Variants in CDH22 observed in about 807,000 individuals in gnomAD.
The protein encoded by CDH22 is cadherin-22.
Under a neutral mutation model 58.4 loss-of-function variants are expected in CDH22, and 30 were observed. The observed-to-expected ratio is 0.51, with a 90% CI of 0.38 to 0.70. The LOEUF (loss-of-function observed/expected upper bound fraction) is 0.70, where lower values mean the gene tolerates loss of function less well. CDH22 is among the 30% of genes least tolerant of loss of function. The pLI is 0.00. For missense variants in CDH22, 1,014 were observed against 1,233.9 expected (o/e 0.82, Z 2.67); for synonymous variants, 513 against 558.2 (o/e 0.92, Z 1.14).
chr20:46,214,605 C>T (rs886073615), intron 5 of CDH22, among the ~76,000 whole-genome samples: 6 of 152,180 alleles, frequency 3.9e-5, no homozygotes, highest in African/African-American at 1.2e-4. Context: ...TAGCTTCAGC[C>T]TTGCTGAAGT....
intron 1 of CDH22, among the ~76,000 whole-genome samples, chr20:46,272,447 TAATGCTGAGGA>T (rs2086496087): frequency 2.0e-5 from 3 of 152,286 alleles, no homozygotes; most frequent in Admixed American, 1.3e-4. Flanking sequence ...AGATGATATT[TAATGCTGAGGA>T]AATGAATGAG....
chr20:46,267,767 T>G (rs2086468042), intron 1 of CDH22, among the ~76,000 whole-genome samples: 1 of 152,254 alleles, frequency 6.6e-6, no homozygotes, highest in Admixed American at 6.5e-5. Flanking sequence ...CCTACTCCAA[T>G]GCTACTTATA....
At chr20:46,282,809 C>T (rs1006757509) in intron 1 of CDH22, among the ~76,000 whole-genome samples, 5 of 152,098 alleles carry the variant, frequency 3.3e-5, no homozygotes, top group South Asian at 2.1e-4. Flanking sequence ...CAGGCCTGGA[C>T]GCTGGAACCC....
At chr20:46,270,544 T>C (rs1019493536) in intron 1 of CDH22, among the ~76,000 whole-genome samples, 2 of 152,236 alleles carry the variant, frequency 1.3e-5, no homozygotes, top group Non-Finnish European at 2.9e-5. Context: ...TGTTCAAGCC[T>C]GAATCCTCTT....
At chr20:46,197,343 G>A (rs1228242027) in intron 8 of CDH22, among the ~76,000 whole-genome samples, 2 of 149,712 alleles carry the variant, frequency 1.3e-5, no homozygotes, top group Non-Finnish European at 3.0e-5. Flanking sequence ...ATTGTAAAAT[G>A]TTTGTGGAGG....
rs145987369 is a variant in CDH22 at position 46,269,419 on chromosome 20, C to A, written c.-399-17726G>T. Among the ~76,000 whole-genome samples the A allele has an allele frequency of 3.2e-4, 49 of 152,356 alleles. No homozygotes were observed. In the East Asian group the frequency reaches 9.4e-3, roughly 29 times the overall value. Reference sequence around the variant, plus strand: ...TCCGCCAATAAAATAATAAATAGTACTGAGCATAGCTAACTTTTGTCAAGT... The same window carrying A: ...TCCGCCAATAAAATAATAAATAGTAATGAGCATAGCTAACTTTTGTCAAGT... On this transcript the variant is annotated intron_variant, in intron 1 of 11. Transcript: ENST00000537909.
At chr20:46,207,495 A>G (rs567695645) in intron 7 of CDH22, among the ~76,000 whole-genome samples, 1 of 152,328 alleles carries the variant, frequency 6.6e-6, no homozygotes, top group East Asian at 1.9e-4. Context: ...GTCTGGGCCC[A>G]GGCCAGAGGC....
At chr20:46,266,196 C>G (rs566159478) in intron 1 of CDH22, among the ~76,000 whole-genome samples, 1 of 152,194 alleles carries the variant, frequency 6.6e-6, no homozygotes, top group Non-Finnish European at 1.5e-5. Flanking sequence ...CATCCTGTCT[C>G]TACTGTAGCA....
At chr20:46,287,228 G>A (rs1048105488) in intron 1 of CDH22, among the ~76,000 whole-genome samples, 3 of 152,248 alleles carry the variant, frequency 2.0e-5, no homozygotes, top group African/African-American at 4.8e-5. Flanking sequence ...TACCTCACAC[G>A]GTGGTGTCAG....
intron 1 of CDH22, among the ~76,000 whole-genome samples, chr20:46,294,458 G>A (rs1339472934): frequency 2.6e-5 from 4 of 152,216 alleles, no homozygotes; most frequent in Non-Finnish European, 4.4e-5. Context: ...GTAGGAGGGT[G>A]CGGAAAGAGG....
At chr20:46,293,341 G>C (rs2145778770) in intron 1 of CDH22, among the ~76,000 whole-genome samples, 1 of 152,316 alleles carries the variant, frequency 6.6e-6, no homozygotes, top group East Asian at 1.9e-4. Context: ...GTGCTGACCT[G>C]CATCTCCGTG....
chr20:46,232,844 A>T (rs986243765), intron 3 of CDH22, among the ~76,000 whole-genome samples: 4 of 152,190 alleles, frequency 2.6e-5, no homozygotes, highest in African/African-American at 9.7e-5. Context: ...CTAGCCTCCC[A>T]GCCAGGGCAG....
At position 46,174,777 on chromosome 20, in the gene CDH22, C is replaced by A. The variant is rs1037698951; in HGVS notation, c.2216G>T (p.Ser739Ile). The change falls in exon 12 of 12, where the codon AGC becomes ATC. Residue 739 changes from serine to isoleucine, a missense_variant. By Grantham distance (142) the Ser-to-Ile change is moderately radical. Coordinates refer to ENST00000537909, the MANE Select transcript of CDH22 (RefSeq NM_021248.3). The surrounding 1 kb of genome is among the most constrained non-coding windows in gnomAD (Gnocchi z 4.4). The stretch of plus-strand genomic sequence containing the variant: ...GAACACTGAGAAGTCTGGCTCGGGG[C>A]TCGGCGGCCCCTGCGGCAGCGAGTG... ...ERHSLPQGPP[S>I]PEPDFSVFRD... is the part of the protein sequence containing the mutation. The A allele has an allele frequency of 9.2e-6, 14 of 1,517,608 alleles. No individual in the cohort carries two copies. The African/African-American group carries it at 1.4e-4, about 15-fold the overall frequency. The allele number at this position is 1,517,608 out of a possible 1,614,324, so 94.0% of individuals were successfully genotyped here.
intron 6 of CDH22, among the ~76,000 whole-genome samples, chr20:46,211,134 C>T (rs935971642): frequency 2.6e-5 from 4 of 152,170 alleles, no homozygotes; most frequent in Non-Finnish European, 5.9e-5. Context: ...CTGGCTAAAT[C>T]CATGCTGAGC....
At chr20:46,259,260 A>T (rs2086420557) in intron 1 of CDH22, among the ~76,000 whole-genome samples, 1 of 152,248 alleles carries the variant, frequency 6.6e-6, no homozygotes, top group Non-Finnish European at 1.5e-5. Flanking sequence ...AGTGCACCTC[A>T]CATGTACCAT....
intron 1 of CDH22, among the ~76,000 whole-genome samples, chr20:46,279,312 G>A (rs1428687272): frequency 1.3e-5 from 2 of 152,196 alleles, no homozygotes; most frequent in African/African-American, 4.8e-5. Flanking sequence ...ATCAGCATGT[G>A]TAGCAGGAGG....
At chr20:46,267,004 T>C (rs2086464089) in intron 1 of CDH22, among the ~76,000 whole-genome samples, 1 of 152,066 alleles carries the variant, frequency 6.6e-6, no homozygotes. Context: ...GAAGAGGCTG[T>C]ACTTTTTGAC....
intron 1 of CDH22, among the ~76,000 whole-genome samples, chr20:46,303,868 T>G (rs1202338966): frequency 6.6e-6 from 1 of 152,164 alleles, no homozygotes; most frequent in South Asian, 2.1e-4. Flanking sequence ...CGATCCCACC[T>G]GCGTTAGAGA....
intron 4 of CDH22, among the ~76,000 whole-genome samples, chr20:46,223,711 TTCTTTTTCTTTCTTTC>T (rs1233645577): frequency 0.045 from 2,894 of 64,680 alleles, 87 homozygotes; most frequent in African/African-American, 0.11. Flanking sequence ...CTTTCTTTCT[TTCTTTTTCTTTCTTTC>T]TCTTTCTTTC....
Sources: allele counts gnomAD v4.1 joint callset (sites outside exome capture counted in the v4.1 genomes callset), GRCh38; gene constraint gnomAD v4.1.1; non-coding constraint Gnocchi (gnomAD v3.1); transcripts MANE v1.5; gene names NCBI Gene and HGNC (gene_info 2026-07-23, HGNC 2026-07-21).